FLRT2: variants seen among roughly 807,000 people sequenced by gnomAD.
The protein encoded by FLRT2 is leucine-rich repeat transmembrane protein FLRT2.
Under a neutral mutation model 40.0 loss-of-function variants are expected in FLRT2, and 15 were observed. The observed-to-expected ratio is 0.38, with a 90% CI of 0.25 to 0.58. The LOEUF is 0.58. Among genes scored for constraint, FLRT2 ranks in the 20% least tolerant of loss-of-function variants. The pLI is 0.71. For missense variants in FLRT2, 726 were observed against 840.0 expected, an observed-to-expected ratio of 0.86 and a Z score of 1.68; for synonymous variants, 380 against 336.8, an observed-to-expected ratio of 1.13 and a Z score of -1.41.
At chr14:85,590,204 A>G (rs1891819079) in intron 1 of FLRT2, among the ~76,000 whole-genome samples, 1 of 152,094 alleles carries the variant, frequency 6.6e-6, no homozygotes, top group East Asian at 1.9e-4. Context: ...ACTATCAAAA[A>G]TGTCTCCAAC....
rs564580040 is a variant in FLRT2 at position 85,584,994 on chromosome 14, G to A, written c.-376-36145G>A. On this transcript the variant is annotated intron_variant, in intron 1 of 1. Transcript: ENST00000330753. The stretch of plus-strand genomic sequence containing the variant: ...TAAGAAGGATAAGGAGAGACCAGAT[G>A]CAGTCGAGGGCTTTTGTGGCATGAG... 4.6e-5 allele frequency among the ~76,000 whole-genome samples: 7 copies of A among 152,292 alleles called. No individual in the cohort carries two copies. In the South Asian group the frequency reaches 1.5e-3, roughly 32 times the overall value.
Position 85,637,707 on chromosome 14 carries a change from A to G in FLRT2, c.*14210A>G, listed in dbSNP as rs1894043269. 6.6e-6 allele frequency: 1 copy of G among 152,176 alleles called. No homozygotes were observed. Among genetic ancestry groups the G allele is most frequent in the Non-Finnish European group, 1.5e-5 (1 of 68,030 alleles). 9.4% of individuals were successfully genotyped at this position (152,176 alleles called of 1,614,324 possible). ...AGGGTGGACCCACCATTCCTGCCAT[A>G]TTCCTTGGGTAGGCTCATCTATCAC... On this transcript the variant is annotated 3_prime_UTR_variant, in exon 2 of 2. Transcript: ENST00000330753.
chr14:85,564,206 G>T (rs544494020), intron 1 of FLRT2, among the ~76,000 whole-genome samples: 2 of 152,270 alleles, frequency 1.3e-5, no homozygotes, highest in African/African-American at 4.8e-5. Context: ...AAATGGCATT[G>T]TTTTCTCATA....
intron 1 of FLRT2, among the ~76,000 whole-genome samples, chr14:85,613,048 A>T (rs1160253021): frequency 2.6e-5 from 4 of 152,126 alleles, no homozygotes; most frequent in Non-Finnish European, 5.9e-5. Context: ...GCTCTCAAAG[A>T]TATTGGCCTA....
chr14:85,574,350 T>G (rs1365669523), intron 1 of FLRT2, among the ~76,000 whole-genome samples: 2 of 152,056 alleles, frequency 1.3e-5, no homozygotes, highest in Non-Finnish European at 2.9e-5. Context: ...TGCATATTCT[T>G]GCATGCATAT....
At chr14:85,568,277 G>C (rs3866768) in intron 1 of FLRT2, among the ~76,000 whole-genome samples, 83,527 of 151,720 alleles carry the variant, frequency 0.55, 23,742 homozygotes, top group Non-Finnish European at 0.63. Flanking sequence ...TTTGGCTCCA[G>C]TTCTGCCCTA....
intron 1 of FLRT2, among the ~76,000 whole-genome samples, chr14:85,595,716 A>G (rs1297687409): frequency 1.3e-5 from 2 of 152,200 alleles, no homozygotes; most frequent in Non-Finnish European, 2.9e-5. Flanking sequence ...ATTAATATTC[A>G]AAATTTTCTT....
At chr14:85,546,588 T>C (rs1889292476) in intron 1 of FLRT2, among the ~76,000 whole-genome samples, 1 of 152,204 alleles carries the variant, frequency 6.6e-6, no homozygotes, top group Non-Finnish European at 1.5e-5. Flanking sequence ...TCTATGGAAG[T>C]GCAAATTTAG....
rs375981298 is a variant in FLRT2 at position 85,639,848 on chromosome 14, T to TA, written c.*16351_*16352insA. On this transcript the variant is annotated 3_prime_UTR_variant, in exon 2 of 2. Coordinates refer to ENST00000330753, the MANE Select transcript of FLRT2 (RefSeq NM_013231.6). Reference sequence around the variant, plus strand: ...GCAGAAATTCTTTATTTTTTTTTTTTTCCTTTTTTTTTTTTTTTGAGACAG... The same window carrying TA: ...GCAGAAATTCTTTATTTTTTTTTTTTATCCTTTTTTTTTTTTTTTGAGACAG... The TA allele has an allele frequency of 2.0e-5, 2 of 99,628 alleles. No individual in the cohort carries two copies. The highest frequency in any genetic ancestry group is 8.3e-5 in the African/African-American group (2 of 24,088). The allele number at this position is 99,628 out of a possible 1,614,324, so 6.2% of individuals were successfully genotyped here.
Position 85,621,378 on chromosome 14 carries a change from T to C in FLRT2, c.-137T>C. On this transcript the variant is annotated 5_prime_UTR_variant, in exon 2 of 2. Transcript: ENST00000330753. ...AGACAGCAGGGAGATTATTTTACCA[T>C]ACGCCCTCAGGACGTTCCCTCTAGC... 2 of 724,080 alleles carry C rather than the reference T, an allele frequency of 2.8e-6. No individual in the cohort carries two copies. The highest frequency in any genetic ancestry group is 4.4e-6 in the Non-Finnish European group (2 of 451,038). The allele number at this position is 724,080 out of a possible 1,614,324, so 44.9% of individuals were successfully genotyped here.
intron 1 of FLRT2, among the ~76,000 whole-genome samples, chr14:85,535,364 AAAC>A (rs1371501462): frequency 1.0e-4 from 15 of 148,682 alleles, no homozygotes; most frequent in South Asian, 4.4e-4. Flanking sequence ...CAAAAAAAAA[AAAC>A]AACAACATTT....
At chr14:85,619,029 C>T (rs903441399) in intron 1 of FLRT2, among the ~76,000 whole-genome samples, 3 of 151,724 alleles carry the variant, frequency 2.0e-5, no homozygotes, top group African/African-American at 7.3e-5. Flanking sequence ...GGAATGGCAT[C>T]CTTTTCAGCA....
At position 85,642,817 on chromosome 14, in the gene FLRT2, T is replaced by A. The variant is rs17725990; in HGVS notation, c.*19320T>A. ...TGAGTCACACTAATTGAAGTTGAGA[T>A]GGAAGAAATTCCTTGGCATATTGTA... is the stretch of plus-strand genomic sequence containing the variant. On this transcript the variant is annotated 3_prime_UTR_variant, in exon 2 of 2. Transcript: ENST00000330753. The A allele has an allele frequency of 2.0e-5, 3 of 152,196 alleles. No homozygotes were observed. Among genetic ancestry groups the A allele is most frequent in the African/African-American group, 7.2e-5 (3 of 41,458 alleles). The allele number at this position is 152,196 out of a possible 1,614,324, so 9.4% of individuals were successfully genotyped here.
At chr14:85,602,890 G>A (rs1950183) in intron 1 of FLRT2, among the ~76,000 whole-genome samples, 26 of 152,116 alleles carry the variant, frequency 1.7e-4, no homozygotes, top group African/African-American at 5.6e-4. Context: ...CTGTTTTAGG[G>A]TTTCGGGTTT....
chr14:85,605,857 GT>G lies in FLRT2; in HGVS notation c.-376-15278del, dbSNP rs1423056073. On this transcript the variant is annotated intron_variant, in intron 1 of 1. Transcript: ENST00000330753. ...GGCCAATCTTTTGACGTACAGCTCA[GT>G]TTTCATCTATATATTTCCATAGCAC... Among the ~76,000 whole-genome samples the G allele has an allele frequency of 5.9e-5, 9 of 152,216 alleles. No individual in the cohort carries two copies. The South Asian group carries it at 1.9e-3, about 32-fold the overall frequency.
At chr14:85,592,680 T>C (rs1891944227) in intron 1 of FLRT2, among the ~76,000 whole-genome samples, 1 of 148,444 alleles carries the variant, frequency 6.7e-6, no homozygotes. Flanking sequence ...TCCCAGCTAC[T>C]CAGGAGGCTG....
At chr14:85,613,491 T>A (rs1247747052) in intron 1 of FLRT2, among the ~76,000 whole-genome samples, 1 of 152,236 alleles carries the variant, frequency 6.6e-6, no homozygotes, top group South Asian at 2.1e-4. Context: ...TCTTTCCAGA[T>A]AGCTTTAGGT....
Position 85,647,258 on chromosome 14 carries a change from T to A in FLRT2, c.*23761T>A, listed in dbSNP as rs1016350911. 1.3e-5 allele frequency: 2 copies of A among 152,052 alleles called. No homozygotes were observed. Among genetic ancestry groups the A allele is most frequent in the African/African-American group, 4.8e-5 (2 of 41,286 alleles). 9.4% of individuals were successfully genotyped at this position (152,052 alleles called of 1,614,324 possible). On this transcript the variant is annotated 3_prime_UTR_variant, in exon 2 of 2. Transcript: ENST00000330753. ...ATGCACAAGACATACTTATTTTACC[T>A]TTGCTTAATATGCCTTATAGTTTAC...
At chr14:85,548,699 G>T (rs1332639281) in intron 1 of FLRT2, among the ~76,000 whole-genome samples, 1 of 152,096 alleles carries the variant, frequency 6.6e-6, no homozygotes. Context: ...TTAAAAAGGA[G>T]CTGTGTAAAT....
Sources: allele counts gnomAD v4.1 joint callset (sites outside exome capture counted in the v4.1 genomes callset), GRCh38; gene constraint gnomAD v4.1.1; transcripts MANE v1.5; gene names NCBI Gene and HGNC (gene_info 2026-07-23, HGNC 2026-07-21).